The following MIX23 variants were observed in gnomAD, a reference collection of about 807,000 sequenced individuals.
The protein encoded by MIX23 is mitochondrial matrix import factor 23, also known as protein MIX23.
A neutral mutation model predicts 21.6 loss-of-function variants in MIX23; 13 were observed. That is an observed-to-expected ratio of 0.60 (90% CI 0.39 to 0.96). The LOEUF (loss-of-function observed/expected upper bound fraction) is 0.96. Ranked by LOEUF, MIX23 falls within the 40% of genes least tolerant of loss-of-function variation. The pLI is 0.00. For missense variants in MIX23, 144 were observed against 171.2 expected, an observed-to-expected ratio of 0.84 and a Z score of 0.89; for synonymous variants, 59 against 58.0, an observed-to-expected ratio of 1.02 and a Z score of -0.08.
chr3:122,372,451 A>T (rs1378143363), intron 1 of MIX23, among the ~76,000 whole-genome samples: 1 of 152,034 alleles, frequency 6.6e-6, no homozygotes, highest in Admixed American at 6.6e-5. Context: ...CTTTCTTTTT[A>T]GTTTCTCAAA....
intron 2 of MIX23, among the ~76,000 whole-genome samples, chr3:122,368,848 G>C (rs1051826622): frequency 1.3e-5 from 2 of 152,068 alleles, no homozygotes; most frequent in Admixed American, 1.3e-4. Flanking sequence ...CTTTACCTTC[G>C]CAAGACAGAG....
chr3:122,372,128 C>T (rs2075445958), intron 1 of MIX23, among the ~76,000 whole-genome samples: 1 of 147,316 alleles, frequency 6.8e-6, no homozygotes, highest in Non-Finnish European at 1.5e-5. Flanking sequence ...CTCCAGCATA[C>T]AGCCAATAAA....
chr3:122,368,348 G>GA (rs565466621), intron 2 of MIX23, 26 bp from the exon 3 acceptor site: 2,127 of 1,485,166 alleles, frequency 1.4e-3, no homozygotes, highest in South Asian at 2.9e-3. Flanking sequence ...AATGAAAGGA[G>GA]AAAAAAAAAC....
In MIX23 at chr3:122,359,628, A is replaced by ATTTTTTTTTTTTTTTTTTTT. The variant is rs879005909; in HGVS notation, c.*240_*241insAAAAAAAAAAAAAAAAAAAA. Reference sequence around the variant, plus strand: ...GAAAATTATTTTAATAGTTACAAAAATTTTTTTTTTTTTTTTTTACAGAAT... The same window carrying ATTTTTTTTTTTTTTTTTTTT: ...GAAAATTATTTTAATAGTTACAAAAATTTTTTTTTTTTTTTTTTTTTTTTTTTTTTTTTTTTTTACAGAAT... On this transcript the variant is annotated 3_prime_UTR_variant, in exon 5 of 5. Transcript: ENST00000291458. The ATTTTTTTTTTTTTTTTTTTT allele has an allele frequency of 4.3e-6, 1 of 235,098 alleles. No individual in the cohort carries two copies. Among genetic ancestry groups the ATTTTTTTTTTTTTTTTTTTT allele is most frequent in the Admixed American group, 5.7e-5 (1 of 17,484 alleles). 14.6% of individuals were successfully genotyped at this position (235,098 alleles called of 1,614,324 possible).
chr3:122,361,939 C>G (rs1031098817), intron 4 of MIX23, among the ~76,000 whole-genome samples: 3 of 152,220 alleles, frequency 2.0e-5, no homozygotes, highest in Non-Finnish European at 4.4e-5. Context: ...AGTTTAACAA[C>G]ATTCCAGTAG....
At chr3:122,362,497 T>G (rs547842301) in intron 4 of MIX23, among the ~76,000 whole-genome samples, 12 of 152,094 alleles carry the variant, frequency 7.9e-5, no homozygotes, top group African/African-American at 2.6e-4. Flanking sequence ...GTTTTTTTTT[T>G]TGGAGATGGA....
In MIX23 at chr3:122,359,769, C is replaced by G; in HGVS notation, c.*100G>C. 1 of 1,244,386 alleles carries G rather than the reference C, an allele frequency of 8.0e-7. No individual in the cohort carries two copies. The highest frequency in any genetic ancestry group is 1.1e-6 in the Non-Finnish European group (1 of 949,930). The allele number at this position is 1,244,386 out of a possible 1,614,324, so 77.1% of individuals were successfully genotyped here. A position where few individuals can be genotyped will look rare whatever the true frequency, so the allele number is the denominator to read the frequency against. ...CTTGGACTGTTGGCTCAGAAATCAT[C>G]CTAGAAAGCCCGCCCTGTTGATATC... On this transcript the variant is annotated 3_prime_UTR_variant, in exon 5 of 5. Transcript: ENST00000291458.
intron 4 of MIX23, among the ~76,000 whole-genome samples, chr3:122,361,466 C>A (rs1194781785): frequency 6.6e-6 from 1 of 152,182 alleles, no homozygotes; most frequent in Non-Finnish European, 1.5e-5. Flanking sequence ...GATTTCCTAT[C>A]CACTTCTGCT....
At chr3:122,381,938 G>T (rs2075536186) in intron 1 of MIX23, among the ~76,000 whole-genome samples, 4 of 152,094 alleles carry the variant, frequency 2.6e-5, no homozygotes, top group Non-Finnish European at 1.5e-5. Context: ...ACTGATGGCA[G>T]CTTAATCTTG....
intron 3 of MIX23, among the ~76,000 whole-genome samples, chr3:122,363,278 A>T (rs2075373071): frequency 6.6e-6 from 1 of 151,962 alleles, no homozygotes; most frequent in Admixed American, 6.5e-5. Flanking sequence ...TAAAAAAAAA[A>T]TATCCCAAGG....
intron 4 of MIX23, among the ~76,000 whole-genome samples, chr3:122,361,534 C>T (rs2075359062): frequency 6.6e-6 from 1 of 152,128 alleles, no homozygotes; most frequent in Non-Finnish European, 1.5e-5. Context: ...CAAGTAGGGG[C>T]CTCATCTTCT....
chr3:122,376,188 A>AAAAAAAAAC, intron 1 of MIX23, among the ~76,000 whole-genome samples: 1 of 151,412 alleles, frequency 6.6e-6, no homozygotes, highest in Non-Finnish European at 1.5e-5. Flanking sequence ...AAAAAAAAAA[A>AAAAAAAAAC]AGACACCTGT....
chr3:122,365,026 C>T (rs1212286420), intron 3 of MIX23, among the ~76,000 whole-genome samples: 1 of 152,130 alleles, frequency 6.6e-6, no homozygotes, highest in African/African-American at 2.4e-5. Flanking sequence ...GATATTACAG[C>T]CAATTTCTAA....
chr3:122,379,583 A>G lies in MIX23; in HGVS notation c.51+3591T>C, dbSNP rs143318863. Among the ~76,000 whole-genome samples, 49 of 152,364 alleles carry G rather than the reference A, an allele frequency of 3.2e-4. No homozygotes were observed. In the East Asian group the frequency reaches 5.6e-3, roughly 17 times the overall value. On this transcript the variant is annotated intron_variant, in intron 1 of 4. Transcript: ENST00000291458. ...ATTACTGACTACCTACCGGAGGCTT[A>G]GCCCCAATGGCATACACTCCTGTCC...
intron 1 of MIX23, among the ~76,000 whole-genome samples, chr3:122,374,428 T>C (rs893170241): frequency 1.3e-5 from 2 of 152,186 alleles, no homozygotes; most frequent in Non-Finnish European, 2.9e-5. Context: ...AATGGCACAA[T>C]ATTTGTATAT....
chr3:122,363,589 T>A (rs571802740), intron 3 of MIX23, among the ~76,000 whole-genome samples: 29 of 151,336 alleles, frequency 1.9e-4, no homozygotes, highest in Non-Finnish European at 3.2e-4. Flanking sequence ...CTTGCAAAGA[T>A]AGCACAGAGG....
chr3:122,378,001 G>A (rs1389364585), intron 1 of MIX23, among the ~76,000 whole-genome samples: 1 of 152,186 alleles, frequency 6.6e-6, no homozygotes, highest in African/African-American at 2.4e-5. Context: ...AAAACATGGT[G>A]TAACATGAGG....
At chr3:122,375,898 G>A (rs1310050662) in intron 1 of MIX23, among the ~76,000 whole-genome samples, 1 of 152,086 alleles carries the variant, frequency 6.6e-6, no homozygotes, top group African/African-American at 2.4e-5. Context: ...TAGAGGATGG[G>A]CGCAGTGGCT....
chr3:122,361,014 T>G (rs966678707), intron 4 of MIX23, among the ~76,000 whole-genome samples: 1 of 152,126 alleles, frequency 6.6e-6, no homozygotes, highest in Non-Finnish European at 1.5e-5. Context: ...CAGCTAATTT[T>G]TTGTATTTTT....
Sources: gnomAD v4.1 joint callset for allele counts (sites outside exome capture counted in the v4.1 genomes callset) on GRCh38, gnomAD v4.1.1 for gene constraint, MANE v1.5 for transcripts, NCBI Gene and HGNC (gene_info 2026-07-23, HGNC 2026-07-21) for gene names.